The following FABP12 variants were observed in gnomAD, a reference collection of about 807,000 sequenced individuals.
The protein encoded by FABP12 is fatty acid binding protein 12.
In FABP12, 19 loss-of-function variants were observed where a neutral mutation model predicts 13.7. The observed-to-expected ratio is 1.39, with a 90% CI of 0.97 to 2.04. The LOEUF is 2.04. Among genes scored for constraint, FABP12 ranks in the 30% most tolerant of loss-of-function variants. The pLI, the probability that FABP12 is intolerant of heterozygous loss-of-function variation, is 0.00. For missense variants in FABP12, 182 were observed against 164.2 expected (o/e 1.11, Z -0.59); for synonymous variants, 61 against 57.0 (o/e 1.07, Z -0.32).
At chr8:81,525,864 ATACT>A (rs1330755306) in intron 4 of FABP12, 2 of 152,186 alleles carry the variant, frequency 1.3e-5, no homozygotes, top group East Asian at 1.9e-4. Flanking sequence ...ACACATGATG[ATACT>A]TAATTCTCTC....
chr8:81,525,555 T>TAGATGATA (rs1554576062), intron 4 of FABP12, among the ~76,000 whole-genome samples: 10 of 148,418 alleles, frequency 6.7e-5, no homozygotes, highest in African/African-American at 1.8e-4. Flanking sequence ...GATAGATAGA[T>TAGATGATA]GATAGATAGA....
intron 1 of FABP12, among the ~76,000 whole-genome samples, chr8:81,577,958 G>A (rs1200199463): frequency 3.9e-5 from 6 of 152,222 alleles, no homozygotes. Context: ...GCTAGGATTA[G>A]ATGATGGAAT....
At chr8:81,566,195 C>T (rs1809815857) in intron 1 of FABP12, among the ~76,000 whole-genome samples, 1 of 151,836 alleles carries the variant, frequency 6.6e-6, no homozygotes, top group Non-Finnish European at 1.5e-5. Flanking sequence ...GCAAAGAATG[C>T]CATCAGTGAC....
At chr8:81,526,266 T>C (rs563802602) in intron 4 of FABP12, 63 of 152,322 alleles carry the variant, frequency 4.1e-4, no homozygotes, top group Admixed American at 1.3e-3. Context: ...TTACTCATTT[T>C]GGTATAGGTG....
rs145745629 is a variant in FABP12 at position 81,540,939 on chromosome 8, G to A, written c.-184-1196C>T. 9.6e-3 allele frequency among the ~76,000 whole-genome samples: 1,466 copies of A among 152,052 alleles called. 18 individuals are homozygous for A. Among genetic ancestry groups the A allele is most frequent in the African/African-American group, 0.027 (1,130 of 41,484 alleles). On this transcript the variant is annotated intron_variant, in intron 1 of 5. Transcript: ENST00000692030. ...TCCCAGCACTTTGGGAGGCCGAGGC[G>A]GGTGGATCACGAGGTCAGGAGTTCA...
At chr8:81,581,288 A>C (rs796241868) in intron 1 of FABP12, among the ~76,000 whole-genome samples, 1 of 152,200 alleles carries the variant, frequency 6.6e-6, no homozygotes, top group Non-Finnish European at 1.5e-5. Context: ...GATTGTGATC[A>C]TAAGTGTCTC....
At chr8:81,587,905 A>T (rs1174578837) in intron 1 of FABP12, among the ~76,000 whole-genome samples, 1 of 152,182 alleles carries the variant, frequency 6.6e-6, no homozygotes, top group Non-Finnish European at 1.5e-5. Flanking sequence ...CTTCAAAAGT[A>T]GGGAAGCCGA....
chr8:81,533,635 C>T (rs1809144781), intron 1 of FABP12, among the ~76,000 whole-genome samples, 167 bp downstream of exon 1: 1 of 152,188 alleles, frequency 6.6e-6, no homozygotes, highest in Admixed American at 6.5e-5. Context: ...TTTAACTTGC[C>T]TCCACACCCT....
chr8:81,571,184 G>C (rs1306585539), intron 1 of FABP12, among the ~76,000 whole-genome samples: 1 of 152,220 alleles, frequency 6.6e-6, no homozygotes, highest in South Asian at 2.1e-4. Context: ...ACCCAGCTCT[G>C]AGATCAAAGC....
intron 1 of FABP12, among the ~76,000 whole-genome samples, chr8:81,585,481 T>C (rs1045329181): frequency 5.9e-5 from 9 of 152,198 alleles, no homozygotes; most frequent in African/African-American, 2.2e-4. Flanking sequence ...TTGGTTACTA[T>C]AGATTTATGT....
exon 2 of FABP12, chr8:81,531,307 G>T (rs1357475499): frequency 6.2e-7 from 1 of 1,600,454 alleles, no homozygotes; most frequent in Admixed American, 1.7e-5. Context: ...CTTGGAGCTG[G>T]TCAATCATTC....
chr8:81,533,213 G>C (rs1387814072), intron 1 of FABP12: 1 of 152,204 alleles, frequency 6.6e-6, no homozygotes, highest in Non-Finnish European at 1.5e-5. Context: ...TGGCTGCTCC[G>C]TTCATGTGTC....
chr8:81,533,558 T>C (rs1809140671), intron 1 of FABP12, among the ~76,000 whole-genome samples: 1 of 152,200 alleles, frequency 6.6e-6, no homozygotes, highest in African/African-American at 2.4e-5. Context: ...TGTCCATTGA[T>C]ATGATTTTCC....
chr8:81,586,540 T>C (rs895545063), intron 1 of FABP12, among the ~76,000 whole-genome samples: 1 of 152,240 alleles, frequency 6.6e-6, no homozygotes. Flanking sequence ...CCATTCTGAC[T>C]GGTGTGAGAT....
intron 1 of FABP12, among the ~76,000 whole-genome samples, chr8:81,584,652 A>C (rs1247837035): frequency 6.6e-6 from 1 of 152,036 alleles, no homozygotes; most frequent in East Asian, 1.9e-4. Flanking sequence ...TTTCTTTTGG[A>C]TATGTACTCA....
intron 1 of FABP12, among the ~76,000 whole-genome samples, chr8:81,545,042 G>A (rs183202909): frequency 3.3e-5 from 5 of 152,184 alleles, no homozygotes; most frequent in Admixed American, 3.3e-4. Context: ...TTCTTTTTGG[G>A]ACAGTTTCAT....
chr8:81,537,920 C>T (rs1231636878), upstream of FABP12, among the ~76,000 whole-genome samples: 1 of 152,098 alleles, frequency 6.6e-6, no homozygotes, highest in Non-Finnish European at 1.5e-5. Flanking sequence ...TTTTGTGTTG[C>T]TATAAAGGAA....
chr8:81,588,363 T>A (rs1454709027), intron 1 of FABP12, among the ~76,000 whole-genome samples: 1 of 152,226 alleles, frequency 6.6e-6, no homozygotes, highest in Non-Finnish European at 1.5e-5. Flanking sequence ...TCTTGACAGA[T>A]TGCTCTGGCT....
At chr8:81,553,571 T>G (rs1348721994) in intron 1 of FABP12, among the ~76,000 whole-genome samples, 1 of 152,202 alleles carries the variant, frequency 6.6e-6, no homozygotes, top group Admixed American at 6.5e-5. Flanking sequence ...AGAAAGCATC[T>G]GTCATGCTTT....
Sources: gnomAD v4.1 joint callset for allele counts (sites outside exome capture counted in the v4.1 genomes callset) on GRCh38, gnomAD v4.1.1 for gene constraint, MANE v1.5 for transcripts, NCBI Gene and HGNC (gene_info 2026-07-23, HGNC 2026-07-21) for gene names.